SPAG16: variants seen among roughly 807,000 people sequenced by gnomAD.
SPAG16 encodes sperm associated antigen 16.
SPAG16 carries 86 observed loss-of-function variants against 80.4 expected under a neutral mutation model. The observed-to-expected ratio is 1.07, with a 90% CI of 0.90 to 1.28. The LOEUF (loss-of-function observed/expected upper bound fraction) is 1.28. SPAG16 is among the 50% of genes most tolerant of loss of function. SPAG16 has a pLI of 0.00. For synonymous variants in SPAG16, 294 were observed against 265.9 expected, an observed-to-expected ratio of 1.11 and a Z score of -1.03; for missense variants, 870 against 765.3, an observed-to-expected ratio of 1.14 and a Z score of -1.61.
intron 15 of SPAG16, among the ~76,000 whole-genome samples, chr2:214,227,249 A>C (rs1045891110): frequency 6.6e-6 from 1 of 152,076 alleles, no homozygotes; most frequent in Admixed American, 6.6e-5. Context: ...TATTCTGACT[A>C]TAAACCACAG....
intron 11 of SPAG16, among the ~76,000 whole-genome samples, chr2:213,896,088 A>C (rs1226486238): frequency 6.6e-6 from 1 of 152,156 alleles, no homozygotes; most frequent in Admixed American, 6.5e-5. Flanking sequence ...TAAGGAGCTC[A>C]AACAACTCAA....
intron 9 of SPAG16, among the ~76,000 whole-genome samples, chr2:213,403,095 T>A (rs2068413828): frequency 6.6e-6 from 1 of 151,930 alleles, no homozygotes; most frequent in Non-Finnish European, 1.5e-5. Context: ...ACCTGTTGTT[T>A]CCTGACTTTT....
chr2:213,537,755 C>T (rs1463471696), intron 10 of SPAG16, among the ~76,000 whole-genome samples: 2 of 152,088 alleles, frequency 1.3e-5, no homozygotes, highest in African/African-American at 2.4e-5. Flanking sequence ...CTTGGTTTTA[C>T]AGTCTGTTAA....
chr2:213,486,001 CAT>C (rs1323603823), intron 9 of SPAG16, among the ~76,000 whole-genome samples: 1 of 151,932 alleles, frequency 6.6e-6, no homozygotes, highest in Non-Finnish European at 1.5e-5. Context: ...TGTGAAAACT[CAT>C]ATAATTTGTA....
intron 9 of SPAG16, among the ~76,000 whole-genome samples, chr2:213,451,763 G>A (rs556216121): frequency 6.6e-6 from 1 of 152,156 alleles, no homozygotes; most frequent in East Asian, 1.9e-4. Flanking sequence ...CGGGTGTGCC[G>A]TATGTTGAGG....
At chr2:214,228,906 T>C (rs1346490782) in intron 15 of SPAG16, among the ~76,000 whole-genome samples, 3 of 152,054 alleles carry the variant, frequency 2.0e-5, no homozygotes, top group African/African-American at 7.2e-5. Context: ...AATATCTGAT[T>C]TGACTTTCAC....
chr2:214,250,753 T>TAGAGAGAGAG (rs747802708), intron 15 of SPAG16, among the ~76,000 whole-genome samples: 83 of 99,448 alleles, frequency 8.3e-4, no homozygotes, highest in Non-Finnish European at 1.3e-3. Flanking sequence ...TATATATATA[T>TAGAGAGAGAG]ATATAGAGAG....
intron 10 of SPAG16, among the ~76,000 whole-genome samples, chr2:213,806,691 C>G (rs1195756993): frequency 1.3e-5 from 2 of 151,990 alleles, no homozygotes; most frequent in Non-Finnish European, 2.9e-5. Flanking sequence ...TATGCACATG[C>G]TGAGTACAAA....
intron 15 of SPAG16, among the ~76,000 whole-genome samples, chr2:214,326,999 T>C (rs1030915390): frequency 6.7e-5 from 10 of 149,008 alleles, no homozygotes; most frequent in Non-Finnish European, 1.3e-4. Context: ...CTAGTGTTGG[T>C]CTACTAAAAC....
chr2:213,718,163 A>G lies in SPAG16; in HGVS notation c.1071-144322A>G, dbSNP rs900704894. Among the ~76,000 whole-genome samples, 3 of 151,016 alleles carry G rather than the reference A, an allele frequency of 2.0e-5. No individual in the cohort carries two copies. The East Asian group carries it at 5.8e-4, about 29-fold the overall frequency. On this transcript the variant is annotated intron_variant, in intron 10 of 15. Coordinates refer to ENST00000331683, the MANE Select transcript of SPAG16 (RefSeq NM_024532.5). ...AAACAAGTTTACAAAAAAAAAAAAA[A>G]AAAAAAGAAAACCACCAAATAGTGG...
At chr2:214,212,023 G>T (rs1324616448) in intron 15 of SPAG16, among the ~76,000 whole-genome samples, 5 of 152,044 alleles carry the variant, frequency 3.3e-5, no homozygotes, top group Non-Finnish European at 7.4e-5. Context: ...TAAAGCCGTT[G>T]TCCAGAGAGC....
intron 15 of SPAG16, among the ~76,000 whole-genome samples, chr2:214,199,089 G>A (rs894008365): frequency 4.0e-5 from 6 of 151,812 alleles, no homozygotes; most frequent in South Asian, 2.1e-4. Flanking sequence ...TTTGCTGTGC[G>A]GAGGCTTTTT....
At chr2:214,177,935 G>T (rs1353496613) in intron 15 of SPAG16, among the ~76,000 whole-genome samples, 1 of 37,474 alleles carries the variant, frequency 2.7e-5, no homozygotes. Flanking sequence ...ATATATATAT[G>T]GCCAGAATTG....
chr2:214,014,222 T>G, intron 13 of SPAG16, 145 bp downstream of exon 13: 4 of 991,948 alleles, frequency 4.0e-6, no homozygotes, highest in Non-Finnish European at 5.8e-6. Flanking sequence ...AATTACAAGA[T>G]CCTTTCTATG....
intron 15 of SPAG16, among the ~76,000 whole-genome samples, chr2:214,370,927 C>T (rs1699773734): frequency 6.6e-6 from 1 of 152,180 alleles, no homozygotes; most frequent in Non-Finnish European, 1.5e-5. Flanking sequence ...AGTCTCTATA[C>T]TATCCCTAAA....
intron 13 of SPAG16, among the ~76,000 whole-genome samples, chr2:214,077,753 C>A (rs1393576145): frequency 3.9e-5 from 6 of 152,218 alleles, no homozygotes; most frequent in African/African-American, 1.4e-4. Context: ...AGTTTGATTT[C>A]CAAGAAGCAA....
intron 10 of SPAG16, among the ~76,000 whole-genome samples, chr2:213,641,766 T>C (rs1279508223): frequency 6.6e-6 from 1 of 152,208 alleles, no homozygotes; most frequent in Non-Finnish European, 1.5e-5. Flanking sequence ...GCTATAAAGA[T>C]ACTACCTGAG....
At chr2:213,483,596 T>C (rs1185566066) in intron 9 of SPAG16, among the ~76,000 whole-genome samples, 5 of 152,118 alleles carry the variant, frequency 3.3e-5, no homozygotes, top group Non-Finnish European at 7.4e-5. Context: ...GAAAACAGAT[T>C]GTTGGGCCCC....
Position 213,956,140 on chromosome 2 carries a change from G to C in SPAG16, c.1400+25995G>C, listed in dbSNP as rs564714844. 1.4e-4 allele frequency among the ~76,000 whole-genome samples: 22 copies of C among 151,928 alleles called. 1 individual carries two copies. The highest frequency in any genetic ancestry group is 1.2e-3 in the South Asian group (6 of 4,816). On this transcript the variant is annotated intron_variant, in intron 12 of 15. Coordinates refer to ENST00000331683, the MANE Select transcript of SPAG16 (RefSeq NM_024532.5). ...CTGGCTAATTTTTGTATTATTAGTAGAGATGGGGTTTCACCATTTTGGCCA... is the reference window on the plus strand; with the variant it reads ...CTGGCTAATTTTTGTATTATTAGTACAGATGGGGTTTCACCATTTTGGCCA...
Sources: allele counts gnomAD v4.1 joint callset (sites outside exome capture counted in the v4.1 genomes callset), GRCh38; gene constraint gnomAD v4.1.1; transcripts MANE v1.5; gene names NCBI Gene and HGNC (gene_info 2026-07-23, HGNC 2026-07-21).